The following ANO3 variants were observed in gnomAD, a reference collection of about 807,000 sequenced individuals.
The protein encoded by ANO3 is anoctamin-3.
Under a neutral mutation model 144.8 loss-of-function variants are expected in ANO3, and 99 were observed. The ratio of observed to expected loss-of-function variants is 0.68; its 90% confidence interval spans 0.58 to 0.81. ANO3 has a LOEUF of 0.81. Ranked by LOEUF, ANO3 falls within the 30% of genes least tolerant of loss-of-function variation. ANO3 has a pLI of 0.00. For synonymous variants in ANO3, 414 were observed against 392.6 expected (o/e 1.05, Z -0.64); for missense variants, 905 against 1,202.2 (o/e 0.75, Z 3.66).
At chr11:26,342,380 A>G (rs1349033690) in intron 1 of ANO3, among the ~76,000 whole-genome samples, 3 of 152,228 alleles carry the variant, frequency 2.0e-5, no homozygotes, top group African/African-American at 7.2e-5. Flanking sequence ...GTAGATTCAT[A>G]TAGGATGAGT....
At chr11:26,612,866 A>G (rs1476655707) in intron 17 of ANO3, among the ~76,000 whole-genome samples, 1 of 152,094 alleles carries the variant, frequency 6.6e-6, no homozygotes. Flanking sequence ...ATCTGCTGAT[A>G]GTCTAATAGG....
chr11:26,313,079 A>G (rs1020595359), intron 1 of ANO3, among the ~76,000 whole-genome samples: 1 of 152,216 alleles, frequency 6.6e-6, no homozygotes, highest in Admixed American at 6.5e-5. Flanking sequence ...GAAAGATCCA[A>G]TCTTTGCACA....
At chr11:26,245,751 C>T (rs747054151) in intron 1 of ANO3, among the ~76,000 whole-genome samples, 3 of 152,056 alleles carry the variant, frequency 2.0e-5, no homozygotes, top group Non-Finnish European at 4.4e-5. Flanking sequence ...CCCAATATCC[C>T]GATTGGGTAC....
At chr11:26,544,453 T>C (rs926263436) in intron 11 of ANO3, among the ~76,000 whole-genome samples, 4 of 149,432 alleles carry the variant, frequency 2.7e-5, no homozygotes, top group Non-Finnish European at 3.0e-5. Context: ...GAGGCAGAGG[T>C]TGGGGAGAAG....
At chr11:26,404,644 G>A (rs117792190) in intron 1 of ANO3, among the ~76,000 whole-genome samples, 2,340 of 151,730 alleles carry the variant, frequency 0.015, 29 homozygotes, top group Middle Eastern at 0.048. Context: ...TATTTGTTTT[G>A]TTTGTATTTC....
At chr11:26,595,484 T>TTTA (rs1251892567) in intron 14 of ANO3, among the ~76,000 whole-genome samples, 1 of 148,598 alleles carries the variant, frequency 6.7e-6, no homozygotes, top group East Asian at 2.0e-4. Context: ...TTTTTTTTTT[T>TTTA]TTTATTCTGT....
chr11:26,573,017 T>C (rs1590568847), intron 14 of ANO3, among the ~76,000 whole-genome samples: 2 of 152,122 alleles, frequency 1.3e-5, no homozygotes, highest in Non-Finnish European at 2.9e-5. Flanking sequence ...TTTCAGAGCT[T>C]ATGAAAGGGA....
chr11:26,225,332 G>C (rs1852235701), intron 1 of ANO3, among the ~76,000 whole-genome samples: 1 of 151,906 alleles, frequency 6.6e-6, no homozygotes. Flanking sequence ...AGTATAAAAG[G>C]GAACATTTAT....
chr11:26,372,452 A>G (rs953682406), intron 1 of ANO3, among the ~76,000 whole-genome samples: 2 of 152,362 alleles, frequency 1.3e-5, no homozygotes, highest in East Asian at 1.9e-4. Context: ...AGTCAGACCT[A>G]TGTAAATTAA....
At chr11:26,385,643 T>C (rs1564995491) in intron 1 of ANO3, among the ~76,000 whole-genome samples, 1 of 152,106 alleles carries the variant, frequency 6.6e-6, no homozygotes, top group Non-Finnish European at 1.5e-5. Flanking sequence ...TGCCTATTAA[T>C]GGGACCCCTG....
chr11:26,597,133 G>T (rs112435379), intron 14 of ANO3, among the ~76,000 whole-genome samples: 2 of 152,142 alleles, frequency 1.3e-5, no homozygotes, highest in African/African-American at 4.8e-5. Context: ...TTGGAGAAGC[G>T]CCGTACGGGC....
Position 26,508,168 on chromosome 11 carries a change from A to G in ANO3, c.497A>G (p.Tyr166Cys). 1 of 1,603,662 alleles carries G rather than the reference A, an allele frequency of 6.2e-7. No individual in the cohort carries two copies. Among genetic ancestry groups the G allele is most frequent in the African/African-American group, 1.3e-5 (1 of 74,414 alleles). ...AAAGATGGCAAAAAGAGAATTGATT[A>G]CATCTTGGTTTATAGAAAGACAAAT... ...LFKDGKKRID[Y>C]ILVYRKTNIQ... Residue 166 changes from tyrosine to cysteine, a missense_variant, in exon 5 of 27, where the codon TAC becomes TGC. This residue lies in a region of ANO3 where 63 missense variants were observed against 107.3 expected (regional missense o/e 0.59). Coordinates refer to ENST00000256737, the MANE Select transcript of ANO3 (RefSeq NM_031418.4).
chr11:26,626,194 A>G (rs551197102), intron 18 of ANO3, among the ~76,000 whole-genome samples: 6 of 152,304 alleles, frequency 3.9e-5, no homozygotes, highest in African/African-American at 7.2e-5. Context: ...TACTTTGGTG[A>G]AAACCTTTTA....
At chr11:26,564,675 A>G (rs1850447061) in intron 14 of ANO3, among the ~76,000 whole-genome samples, 1 of 135,006 alleles carries the variant, frequency 7.4e-6, no homozygotes, top group Non-Finnish European at 1.6e-5. Context: ...AAACTCATAT[A>G]TATATACTCA....
intron 1 of ANO3, among the ~76,000 whole-genome samples, chr11:26,337,049 C>A (rs1285912713): frequency 1.3e-5 from 2 of 152,136 alleles, no homozygotes; most frequent in African/African-American, 2.4e-5. Flanking sequence ...CCTTCTCTTT[C>A]TTTCCTTACA....
At chr11:26,428,725 ATTTG>A (rs752996931) in intron 1 of ANO3, among the ~76,000 whole-genome samples, 37 of 39,508 alleles carry the variant, frequency 9.4e-4, no homozygotes, top group Non-Finnish European at 1.9e-3. Context: ...TCCTTGTAGA[ATTTG>A]TGTGTGTGTG....
At chr11:26,555,350 T>C (rs934205799) in intron 13 of ANO3, among the ~76,000 whole-genome samples, 2 of 152,206 alleles carry the variant, frequency 1.3e-5, no homozygotes, top group African/African-American at 4.8e-5. Context: ...CAGATACTTC[T>C]TCTTTCACTT....
chr11:26,483,943 T>C (rs529015371), intron 4 of ANO3, among the ~76,000 whole-genome samples: 1 of 152,310 alleles, frequency 6.6e-6, no homozygotes, highest in South Asian at 2.1e-4. Context: ...GAGGAACTTA[T>C]TGGGAACTTG....
At chr11:26,274,441 C>G (rs1853514617) in intron 1 of ANO3, among the ~76,000 whole-genome samples, 1 of 152,004 alleles carries the variant, frequency 6.6e-6, no homozygotes, top group Non-Finnish European at 1.5e-5. Context: ...TTCTAGAATA[C>G]AGCAGCTACC....
Sources: gnomAD v4.1 joint callset for allele counts (sites outside exome capture counted in the v4.1 genomes callset) on GRCh38, gnomAD v4.1.1 for gene constraint, gnomAD v4.1.1 regional missense constraint, MANE v1.5 for transcripts, NCBI Gene and HGNC (gene_info 2026-07-23, HGNC 2026-07-21) for gene names.